Variants in NDUFA12 observed in about 807,000 individuals in gnomAD.
NDUFA12 encodes the protein NADH:ubiquinone oxidoreductase subunit A12.
A neutral mutation model predicts 20.3 loss-of-function variants in NDUFA12; 17 were observed. The ratio of observed to expected loss-of-function variants is 0.84; its 90% CI spans 0.57 to 1.26. NDUFA12 has a LOEUF of 1.26. Ranked by LOEUF, NDUFA12 falls within the 50% of genes most tolerant of loss-of-function variation. NDUFA12 has a pLI of 0.00. For synonymous variants in NDUFA12, 72 were observed against 63.6 expected (o/e 1.13, Z -0.63); for missense variants, 191 against 183.7 (o/e 1.04, Z -0.23).
intron 3 of NDUFA12, among the ~76,000 whole-genome samples, chr12:94,981,657 A>G (rs1173149650): frequency 1.3e-5 from 2 of 152,206 alleles, no homozygotes; most frequent in African/African-American, 4.8e-5. Flanking sequence ...GTGCCTATAA[A>G]CTACAAGAGA....
intron 2 of NDUFA12, among the ~76,000 whole-genome samples, chr12:94,995,439 C>A (rs1874788975): frequency 6.6e-6 from 1 of 152,162 alleles, no homozygotes; most frequent in African/African-American, 2.4e-5. Flanking sequence ...TGGGCCCTAA[C>A]AATCTCTCTC....
chr12:94,979,518 G>A lies in NDUFA12; in HGVS notation c.258-7898C>T, dbSNP rs181277716. Among the ~76,000 whole-genome samples the A allele has an allele frequency of 1.9e-3, 296 of 152,140 alleles. 3 individuals carry two copies. Among genetic ancestry groups the A allele is most frequent in the African/African-American group, 6.9e-3 (285 of 41,514 alleles). On this transcript the variant is annotated intron_variant, in intron 3 of 3. Transcript: ENST00000327772. ...AGCAAGTAAAATGGAGTATGGTTAT[G>A]AACACAACTACACAGAAAGGATTAA...
intron 3 of NDUFA12, among the ~76,000 whole-genome samples, chr12:94,992,731 C>G (rs924184102): frequency 6.6e-6 from 1 of 152,156 alleles, no homozygotes; most frequent in Non-Finnish European, 1.5e-5. Flanking sequence ...AACTATACCC[C>G]CAGCTGACAG....
At chr12:94,992,142 G>A (rs1874666922) in intron 3 of NDUFA12, among the ~76,000 whole-genome samples, 3 of 152,208 alleles carry the variant, frequency 2.0e-5, no homozygotes, top group Non-Finnish European at 4.4e-5. Context: ...GAGCTCCAGA[G>A]TTTAATTGTA....
chr12:94,982,986 T>C (rs796507946), intron 3 of NDUFA12, among the ~76,000 whole-genome samples: 4 of 152,210 alleles, frequency 2.6e-5, no homozygotes, highest in African/African-American at 9.6e-5. Context: ...CATCAATCTC[T>C]AGCCTAACCA....
intron 3 of NDUFA12, among the ~76,000 whole-genome samples, chr12:94,988,409 A>G (rs1874525489): frequency 6.6e-6 from 1 of 152,230 alleles, no homozygotes; most frequent in Non-Finnish European, 1.5e-5. Context: ...AATATTAGTA[A>G]TGATTCTGAA....
intron 3 of NDUFA12, among the ~76,000 whole-genome samples, chr12:94,990,271 G>GAAAAAAA (rs67946703): frequency 4.1e-5 from 6 of 146,294 alleles, no homozygotes; most frequent in Admixed American, 3.4e-4. Context: ...ATAGAATGTG[G>GAAAAAAA]AAAAAAAAAA....
chr12:94,994,342 T>C (rs1441712565), intron 2 of NDUFA12, 85 bp from the exon 3 acceptor site: 2 of 1,004,926 alleles, frequency 2.0e-6, no homozygotes, highest in Admixed American at 4.4e-5. Flanking sequence ...AACCTTTTTA[T>C]TAAGAAAAGA....
intron 3 of NDUFA12, among the ~76,000 whole-genome samples, chr12:94,982,520 C>T (rs987818023): frequency 6.6e-6 from 1 of 152,102 alleles, no homozygotes; most frequent in African/African-American, 2.4e-5. Flanking sequence ...TCATGATCTG[C>T]CTGCTTTGGC....
In NDUFA12 at chr12:95,002,728, A is replaced by G. The variant is rs772993752; in HGVS notation, c.169+11T>C. ...AATCCAATTATTCATACTAAAAAATACTGCACTCACCAAAAAATTGCTTGT... is the reference window on the plus strand; with the variant it reads ...AATCCAATTATTCATACTAAAAAATGCTGCACTCACCAAAAAATTGCTTGT... On this transcript the variant is annotated intron_variant, in intron 2 of 3. Coordinates refer to ENST00000327772, the MANE Select transcript of NDUFA12 (RefSeq NM_018838.5). 10 of 1,601,008 alleles carry G rather than the reference A, an allele frequency of 6.2e-6. No homozygotes were observed. The highest frequency in any genetic ancestry group is 1.7e-4 in the Middle Eastern group (1 of 6,036).
At chr12:95,002,437 C>CAAAAAAAAAAAAAA (rs71075895) in intron 2 of NDUFA12, among the ~76,000 whole-genome samples, 2 of 63,624 alleles carry the variant, frequency 3.1e-5, no homozygotes, top group Admixed American at 2.0e-4. Flanking sequence ...GACTCCATCT[C>CAAAAAAAAAAAAAA]AAAAAAAAAA....
chr12:95,000,811 A>G (rs1277932217), intron 2 of NDUFA12, among the ~76,000 whole-genome samples: 1 of 152,242 alleles, frequency 6.6e-6, no homozygotes, highest in African/African-American at 2.4e-5. Context: ...TTTTTATATT[A>G]CACACATCTT....
intron 3 of NDUFA12, among the ~76,000 whole-genome samples, chr12:94,985,528 G>A (rs142251939): frequency 6.6e-6 from 1 of 150,734 alleles, no homozygotes; most frequent in African/African-American, 2.5e-5. Flanking sequence ...TCAGGAGGCT[G>A]AGGCAGGAGA....
intron 2 of NDUFA12, among the ~76,000 whole-genome samples, chr12:94,999,224 A>T (rs1941611058): frequency 6.6e-6 from 1 of 152,186 alleles, no homozygotes; most frequent in African/African-American, 2.4e-5. Context: ...ACAAAAACAT[A>T]AAGTGGGGAA....
intron 3 of NDUFA12, among the ~76,000 whole-genome samples, chr12:94,982,248 G>A (rs907826617): frequency 1.3e-5 from 2 of 150,518 alleles, no homozygotes; most frequent in South Asian, 2.1e-4. Context: ...TCACCCAGCC[G>A]TCCAGAAGCT....
chr12:94,980,010 C>T (rs1016498564), intron 3 of NDUFA12, among the ~76,000 whole-genome samples: 4 of 152,102 alleles, frequency 2.6e-5, no homozygotes, highest in Non-Finnish European at 5.9e-5. Context: ...CCAAATCACA[C>T]GGACATTTTT....
intron 3 of NDUFA12, among the ~76,000 whole-genome samples, chr12:94,985,496 C>G (rs547735749): frequency 5.0e-4 from 75 of 150,872 alleles, no homozygotes; most frequent in African/African-American, 1.8e-3. Context: ...GCATGGTGGT[C>G]AGCGCCTGTA....
chr12:95,001,614 C>T (rs1034266831), intron 2 of NDUFA12, among the ~76,000 whole-genome samples: 2 of 150,712 alleles, frequency 1.3e-5, no homozygotes, highest in Admixed American at 6.6e-5. Context: ...GGTGACAGAG[C>T]GAGACCCTGT....
intron 3 of NDUFA12, among the ~76,000 whole-genome samples, chr12:94,976,116 T>A (rs1015321965): frequency 9.2e-5 from 14 of 152,230 alleles, no homozygotes; most frequent in Admixed American, 9.2e-4. Flanking sequence ...GTTATTTGCC[T>A]AATTTATTTA....
Sources: gnomAD v4.1 joint callset for allele counts (sites outside exome capture counted in the v4.1 genomes callset) on GRCh38, gnomAD v4.1.1 for gene constraint, MANE v1.5 for transcripts, NCBI Gene and HGNC (gene_info 2026-07-23, HGNC 2026-07-21) for gene names.